Variants in IL1RAPL1 observed in about 807,000 individuals in gnomAD.
IL1RAPL1 encodes the protein interleukin 1 receptor accessory protein like 1, also known as interleukin-1 receptor accessory protein-like 1.
IL1RAPL1 carries 3 observed loss-of-function variants against 48.4 expected under a neutral mutation model. The ratio of observed to expected loss-of-function variants is 0.06; its 90% confidence interval spans 0.03 to 0.16. The LOEUF (loss-of-function observed/expected upper bound fraction) is 0.16, where lower values mean the gene tolerates loss of function less well. Among genes scored for constraint, IL1RAPL1 ranks in the 10% least tolerant of loss-of-function variants. The pLI is 1.00. For missense variants in IL1RAPL1, 349 were observed against 530.6 expected, an observed-to-expected ratio of 0.66 and a Z score of 3.36; for synonymous variants, 185 against 187.7, an observed-to-expected ratio of 0.99 and a Z score of 0.12.
At chrX:29,552,827 T>G (rs1389164131) in intron 5 of IL1RAPL1, among the ~76,000 whole-genome samples, 1 of 96,040 alleles carries the variant, frequency 1.0e-5, no homozygotes, top group Admixed American at 1.1e-4. Context: ...TTTTTTTTTT[T>G]GCATTTCAGT....
intron 1 of IL1RAPL1, among the ~76,000 whole-genome samples, chrX:28,615,737 C>T (rs979199321): frequency 4.5e-5 from 5 of 110,579 alleles, no homozygotes; most frequent in African/African-American, 1.6e-4. Flanking sequence ...AGGTACCAGA[C>T]GTCTTCTACA....
intron 5 of IL1RAPL1, among the ~76,000 whole-genome samples, chrX:29,617,227 A>T (rs1160655826): frequency 3.6e-5 from 4 of 112,398 alleles, no homozygotes; most frequent in Non-Finnish European, 5.6e-5. Context: ...ATTGTTCTGG[A>T]TAATGATTTC....
chrX:28,729,724 G>A (rs1211952057), intron 1 of IL1RAPL1, among the ~76,000 whole-genome samples: 3 of 111,590 alleles, frequency 2.7e-5, no homozygotes, highest in South Asian at 3.7e-4. Context: ...GAGGCCGGGT[G>A]TGGTGGCTCA....
intron 5 of IL1RAPL1, among the ~76,000 whole-genome samples, chrX:29,608,368 A>G (rs1923962006): frequency 9.4e-6 from 1 of 106,539 alleles, no homozygotes; most frequent in Admixed American, 1.0e-4. Context: ...AGTAGGTATT[A>G]CCATCATAGA....
At chrX:29,606,825 G>A (rs1337554002) in intron 5 of IL1RAPL1, among the ~76,000 whole-genome samples, 1 of 110,704 alleles carries the variant, frequency 9.0e-6, no homozygotes, top group African/African-American at 3.3e-5. Context: ...TAAAGATAAA[G>A]ACATAAAACA....
intron 2 of IL1RAPL1, among the ~76,000 whole-genome samples, chrX:29,260,956 A>T (rs750311008): frequency 5.5e-4 from 59 of 107,692 alleles, no homozygotes; most frequent in African/African-American, 1.9e-3. Context: ...TGAACGAATA[A>T]AATAATAAAA....
intron 2 of IL1RAPL1, among the ~76,000 whole-genome samples, chrX:29,027,525 A>C (rs1286618861): frequency 8.9e-6 from 1 of 112,033 alleles, no homozygotes; most frequent in Non-Finnish European, 1.9e-5. Context: ...ATGAAGACCT[A>C]AATTTTCAGC....
At chrX:28,872,088 G>C (rs1922220377) in intron 2 of IL1RAPL1, among the ~76,000 whole-genome samples, 1 of 111,649 alleles carries the variant, frequency 9.0e-6, no homozygotes, top group Non-Finnish European at 1.9e-5. Context: ...GCTCACTGCA[G>C]CCTCGACCTC....
intron 1 of IL1RAPL1, among the ~76,000 whole-genome samples, chrX:28,744,350 T>A (rs1935946936): frequency 9.0e-6 from 1 of 111,565 alleles, no homozygotes; most frequent in South Asian, 3.7e-4. Context: ...TATTAATGCA[T>A]GTAATCTGCC....
intron 1 of IL1RAPL1, among the ~76,000 whole-genome samples, chrX:28,732,377 G>A (rs1487091994): frequency 8.1e-5 from 9 of 111,439 alleles, no homozygotes; most frequent in African/African-American, 2.9e-4. Flanking sequence ...CGAAATTTAC[G>A]AACATTCTGA....
chrX:29,256,510 T>C (rs1274738780), intron 2 of IL1RAPL1, among the ~76,000 whole-genome samples: 1 of 111,781 alleles, frequency 8.9e-6, no homozygotes, highest in East Asian at 2.8e-4. Context: ...GATATGTTAA[T>C]TGCTGATTTC....
intron 6 of IL1RAPL1, among the ~76,000 whole-genome samples, chrX:29,762,523 A>G (rs1374030867): frequency 8.9e-6 from 1 of 111,932 alleles, no homozygotes; most frequent in Non-Finnish European, 1.9e-5. Flanking sequence ...TCTTTTAAAA[A>G]TAAGTCTCAA....
chrX:29,615,509 G>A (rs983097337), intron 5 of IL1RAPL1, among the ~76,000 whole-genome samples: 7 of 110,977 alleles, frequency 6.3e-5, no homozygotes, highest in African/African-American at 2.3e-4. Context: ...AGCAGCAACA[G>A]CACACCTGCC....
intron 2 of IL1RAPL1, among the ~76,000 whole-genome samples, chrX:28,953,358 T>C (rs963155917): frequency 9.0e-6 from 1 of 111,534 alleles, no homozygotes; most frequent in East Asian, 2.8e-4. Flanking sequence ...TGGCATGCAA[T>C]TAAGCTAACA....
chrX:29,910,766 T>C (rs1410700848), intron 6 of IL1RAPL1, among the ~76,000 whole-genome samples: 1 of 111,381 alleles, frequency 9.0e-6, no homozygotes, highest in Non-Finnish European at 1.9e-5. Context: ...GCAAAATAGC[T>C]ATATTTAATA....
At chrX:29,167,437 A>G (rs758209456) in intron 2 of IL1RAPL1, among the ~76,000 whole-genome samples, 1 of 107,822 alleles carries the variant, frequency 9.3e-6, no homozygotes, top group East Asian at 2.9e-4. Flanking sequence ...TTTTTACTTA[A>G]TACGTATTTT....
chrX:29,787,204 A>G (rs368550245), intron 6 of IL1RAPL1, among the ~76,000 whole-genome samples: 3 of 111,180 alleles, frequency 2.7e-5, no homozygotes, highest in East Asian at 5.7e-4. Context: ...ACCAAACCCA[A>G]CCAGAACCTG....
intron 5 of IL1RAPL1, among the ~76,000 whole-genome samples, chrX:29,437,503 ACATT>A (rs1406949483): frequency 1.8e-5 from 2 of 110,650 alleles, no homozygotes; most frequent in African/African-American, 6.5e-5. Context: ...TAGGGGGAAA[ACATT>A]CAGACAATTT....
At chrX:29,050,437 G>C (rs1305908920) in intron 2 of IL1RAPL1, among the ~76,000 whole-genome samples, 1 of 111,404 alleles carries the variant, frequency 9.0e-6, no homozygotes, top group Non-Finnish European at 1.9e-5. Flanking sequence ...CAGAGGGTCT[G>C]GTTATAGACC....
Sources: gnomAD v4.1 joint callset for allele counts (sites outside exome capture counted in the v4.1 genomes callset) on GRCh38, gnomAD v4.1.1 for gene constraint, MANE v1.5 for transcripts, NCBI Gene and HGNC (gene_info 2026-07-23, HGNC 2026-07-21) for gene names.